Variants in MYOF observed in about 807,000 individuals in gnomAD.
The protein encoded by MYOF is fer-1-like 3, myoferlin.
A neutral mutation model predicts 284.2 loss-of-function variants in MYOF; 244 were observed. The observed-to-expected ratio is 0.86, with a 90% CI of 0.77 to 0.95. MYOF has a LOEUF of 0.95. Ranked by LOEUF, MYOF falls within the 40% of genes least tolerant of loss-of-function variation. The pLI is 0.00. For missense variants in MYOF, 2,496 were observed against 2,560.6 expected, an observed-to-expected ratio of 0.97 and a Z score of 0.54; for synonymous variants, 904 against 919.7, an observed-to-expected ratio of 0.98 and a Z score of 0.31.
Position 93,306,542 on chromosome 10 carries a change from C to T in MYOF, c.*421G>A, listed in dbSNP as rs1842104344. On this transcript the variant is annotated 3_prime_UTR_variant, in exon 54 of 54. Coordinates refer to ENST00000359263, the MANE Select transcript of MYOF (RefSeq NM_013451.4). ...ATAAATAAGAATTGTTCTAACTATTCTAACTGATTTTATAATGCACAGCTC... is the reference window on the plus strand; with the variant it reads ...ATAAATAAGAATTGTTCTAACTATTTTAACTGATTTTATAATGCACAGCTC... The T allele has an allele frequency of 6.0e-6, 1 of 166,890 alleles. No individual in the cohort carries two copies. Among genetic ancestry groups the T allele is most frequent in the South Asian group, 1.7e-4 (1 of 5,970 alleles). 10.3% of individuals were successfully genotyped at this position (166,890 alleles called of 1,614,324 possible).
intron 39 of MYOF, among the ~76,000 whole-genome samples, chr10:93,339,840 G>A (rs1477300655): frequency 6.6e-6 from 1 of 152,024 alleles, no homozygotes; most frequent in African/African-American, 2.4e-5. Context: ...AGCACTTTGG[G>A]AGGCTGAGGC....
intron 5 of MYOF, 111 bp downstream of exon 5, chr10:93,425,960 G>A (rs1483875614): frequency 2.7e-6 from 3 of 1,106,368 alleles, no homozygotes; most frequent in African/African-American, 3.1e-5. Context: ...GTCTGGGTGG[G>A]CAGGGAGCTA....
rs59012520 is a variant in MYOF at position 93,423,525 on chromosome 10, G to GA, written c.433+2545dup. Among the ~76,000 whole-genome samples the GA allele has an allele frequency of 6.9e-3, 103 of 14,890 alleles. 13 individuals are homozygous for GA. The highest frequency in any genetic ancestry group is 0.016 in the African/African-American group (59 of 3,794). 9.8% of individuals were successfully genotyped at this position (14,890 alleles called of 152,430 possible). A position where few individuals can be genotyped will look rare whatever the true frequency, so the allele number is the denominator to read the frequency against. ...TAGATGACAGAGCAAGACTCCATCTGAAAAAAAAAAAAAAAAAAAAAAAAA... is the reference window on the plus strand; with the variant it reads ...TAGATGACAGAGCAAGACTCCATCTGAAAAAAAAAAAAAAAAAAAAAAAAAA... On this transcript the variant is annotated intron_variant, in intron 5 of 53. Coordinates refer to ENST00000359263, the MANE Select transcript of MYOF (RefSeq NM_013451.4).
In MYOF at chr10:93,369,110, C is replaced by CTTTTTTTTTTTTTTTTTTTTTTTTTTTT. The variant is rs66923086; in HGVS notation, c.2589+534_2589+535insAAAAAAAAAAAAAAAAAAAAAAAAAAAA. Among the ~76,000 whole-genome samples the CTTTTTTTTTTTTTTTTTTTTTTTTTTTT allele has an allele frequency of 1.8e-4, 14 of 78,314 alleles. 3 individuals carry two copies. Among genetic ancestry groups the CTTTTTTTTTTTTTTTTTTTTTTTTTTTT allele is most frequent in the African/African-American group, 9.1e-4 (14 of 15,450 alleles). The allele number at this position is 78,314 out of a possible 152,430, so 51.4% of individuals were successfully genotyped here. Reference sequence around the variant, plus strand: ...TATTGTTTTAGAAGTATTCAGACAGCTTTTTTTTTTTTTTTTTTTTTTGCC... The same window carrying CTTTTTTTTTTTTTTTTTTTTTTTTTTTT: ...TATTGTTTTAGAAGTATTCAGACAGCTTTTTTTTTTTTTTTTTTTTTTTTTTTTTTTTTTTTTTTTTTTTTTTTTTGCC... On this transcript the variant is annotated intron_variant, in intron 25 of 53. Coordinates refer to ENST00000359263, the MANE Select transcript of MYOF (RefSeq NM_013451.4).
At chr10:93,378,693 G>GTGTGTA in intron 21 of MYOF, among the ~76,000 whole-genome samples, 14 of 87,878 alleles carry the variant, frequency 1.6e-4, no homozygotes, top group African/African-American at 6.3e-4. Context: ...GTGTGTGTGT[G>GTGTGTA]TATATATATA....
rs80284369 is a variant in MYOF, at chr10:93,462,645, C to G, written c.89-5708G>C. ...CCTACCCTTCTGGAGAAACCCAGCT[C>G]AATCTCTTTCAAGAAGGAGGCTCTG... On this transcript the variant is annotated intron_variant, in intron 1 of 53. Transcript: ENST00000359263. 2.1e-3 allele frequency among the ~76,000 whole-genome samples: 314 copies of G among 151,826 alleles called. 7 individuals are homozygous for G. In the East Asian group the frequency reaches 0.051, roughly 25 times the overall value.
chr10:93,480,894 G>A (rs1012707278), intron 1 of MYOF, among the ~76,000 whole-genome samples: 11 of 152,162 alleles, frequency 7.2e-5, no homozygotes, highest in African/African-American at 2.2e-4. Context: ...GATGCCTCAG[G>A]AACTGACAGG....
intron 45 of MYOF, among the ~76,000 whole-genome samples, chr10:93,326,877 G>A (rs558400901): frequency 1.3e-4 from 20 of 152,070 alleles, no homozygotes; most frequent in East Asian, 5.8e-4. Context: ...TGCCCTCCTC[G>A]GCCTCCCAAA....
intron 1 of MYOF, among the ~76,000 whole-genome samples, chr10:93,467,034 T>C (rs1241305102): frequency 2.0e-5 from 3 of 152,002 alleles, no homozygotes; most frequent in Non-Finnish European, 2.9e-5. Flanking sequence ...ATGAGTATGC[T>C]CATTTTACAG....
rs779737934 is a variant in MYOF at position 93,353,894 on chromosome 10, A to G, written c.3404-6T>C. The G allele has an allele frequency of 4.4e-6, 7 of 1,600,406 alleles. 1 individual carries two copies. Among genetic ancestry groups the G allele is most frequent in the Non-Finnish European group, 6.0e-6 (7 of 1,171,182 alleles). On this transcript the variant is annotated splice_region_variant and splice_polypyrimidine_tract_variant and intron_variant, in intron 31 of 53. Transcript: ENST00000359263. The stretch of plus-strand genomic sequence containing the variant: ...CAGATGGTAGATGTAGACTCCTAAA[A>G]AAACAGGATAAAGATTACTTACAAG...
Position 93,408,016 on chromosome 10 carries a change from C to T in MYOF, c.729+771G>A, listed in dbSNP as rs186600769. Among the ~76,000 whole-genome samples the T allele has an allele frequency of 1.9e-3, 296 of 152,204 alleles. 1 individual carries two copies. The highest frequency in any genetic ancestry group is 6.7e-3 in the African/African-American group (279 of 41,526). On this transcript the variant is annotated intron_variant, in intron 7 of 53. Coordinates refer to ENST00000359263, the MANE Select transcript of MYOF (RefSeq NM_013451.4). The stretch of plus-strand genomic sequence containing the variant: ...AAACACCAGAAAGGCAACAGCATCT[C>T]TGAGAACCACTGACAGAGGGGACCA...
chr10:93,369,619 A>C (rs994607907), intron 25 of MYOF, 26 bp downstream of exon 25: 5 of 1,613,058 alleles, frequency 3.1e-6, no homozygotes, highest in Non-Finnish European at 3.4e-6. Flanking sequence ...CCAAAGAAGA[A>C]AAGATAGTGA....
rs1202090406 is a variant in MYOF, at chr10:93,316,699, A to C, written c.5698+15T>G. On this transcript the variant is annotated intron_variant, in intron 50 of 53. Coordinates refer to ENST00000359263, the MANE Select transcript of MYOF (RefSeq NM_013451.4). ...TACAGTTTCTTAGAAACAATGATCC[A>C]AATGTAAGCCCTACCCAAGTAGTCA... 2 of 1,589,916 alleles carry C rather than the reference A, an allele frequency of 1.3e-6. No individual in the cohort carries two copies. The highest frequency in any genetic ancestry group is 1.7e-6 in the Non-Finnish European group (2 of 1,158,722).
intron 41 of MYOF, among the ~76,000 whole-genome samples, chr10:93,334,555 A>G (rs770289334): frequency 2.6e-5 from 4 of 152,146 alleles, no homozygotes; most frequent in Admixed American, 6.5e-5. Context: ...TCATCACCCT[A>G]TCTCCAGGGC....
At chr10:93,436,320 G>A (rs1849118425) in intron 3 of MYOF, among the ~76,000 whole-genome samples, 1 of 152,104 alleles carries the variant, frequency 6.6e-6, no homozygotes, top group South Asian at 2.1e-4. Flanking sequence ...CACTGACCAG[G>A]AAGGGAGTAA....
chr10:93,366,248 T>G, intron 26 of MYOF, 144 bp downstream of exon 26: 1 of 870,306 alleles, frequency 1.1e-6, no homozygotes, highest in Non-Finnish European at 1.7e-6. Context: ...TCTTTCAACT[T>G]TCTACAAATT....
intron 1 of MYOF, among the ~76,000 whole-genome samples, chr10:93,471,413 C>T (rs1589619001): frequency 6.6e-6 from 1 of 151,736 alleles, no homozygotes; most frequent in Admixed American, 6.6e-5. Context: ...TCAATCTGTT[C>T]AGAGAGAGAG....
intron 1 of MYOF, among the ~76,000 whole-genome samples, chr10:93,468,003 T>G (rs1379442936): frequency 3.9e-5 from 6 of 152,228 alleles, no homozygotes; most frequent in Admixed American, 3.9e-4. Context: ...TGGTATCTAA[T>G]GCCCAGGAAT....
intron 29 of MYOF, 93 bp downstream of exon 29, chr10:93,359,740 A>C: frequency 6.5e-7 from 1 of 1,544,398 alleles, no homozygotes; most frequent in Non-Finnish European, 8.8e-7. Flanking sequence ...CTGGATTTGC[A>C]AATAATTTCT....
Sources: gnomAD v4.1 joint callset for allele counts (sites outside exome capture counted in the v4.1 genomes callset) on GRCh38, gnomAD v4.1.1 for gene constraint, MANE v1.5 for transcripts, NCBI Gene and HGNC (gene_info 2026-07-23, HGNC 2026-07-21) for gene names.